TRHDE: variants seen among roughly 807,000 people sequenced by gnomAD.
TRHDE encodes the protein thyrotropin-releasing hormone-degrading ectoenzyme.
TRHDE carries 72 observed loss-of-function variants against 125.7 expected under a neutral mutation model. The observed-to-expected ratio is 0.57, with a 90% CI of 0.47 to 0.70. The LOEUF is 0.70. Ranked by LOEUF, TRHDE falls within the 30% of genes least tolerant of loss-of-function variation. The pLI is 0.00. For missense variants in TRHDE, 1,110 were observed against 1,327.1 expected (o/e 0.84, Z 2.54); for synonymous variants, 509 against 509.1 (o/e 1.00, Z 0.00).
intron 13 of TRHDE, among the ~76,000 whole-genome samples, chr12:72,620,580 T>C (rs1265516403): frequency 1.3e-5 from 2 of 152,026 alleles, no homozygotes; most frequent in Non-Finnish European, 2.9e-5. Flanking sequence ...GACACTTAAA[T>C]GTGTCATTAG....
At chr12:72,369,562 A>T (rs1412479819) in intron 2 of TRHDE, among the ~76,000 whole-genome samples, 1 of 152,170 alleles carries the variant, frequency 6.6e-6, no homozygotes, top group East Asian at 1.9e-4. Flanking sequence ...GCATGTTTGT[A>T]TGACACACCA....
At chr12:72,263,638 G>A (rs540605108) in intron 2 of TRHDE, 6 of 152,172 alleles carry the variant, frequency 3.9e-5, no homozygotes, top group Admixed American at 3.3e-4. Context: ...GAATTGGAAA[G>A]CACAATACAT....
intron 6 of TRHDE, among the ~76,000 whole-genome samples, chr12:72,537,874 A>G (rs1206618106): frequency 1.3e-5 from 2 of 152,070 alleles, no homozygotes; most frequent in African/African-American, 2.4e-5. Flanking sequence ...ATTACAATCT[A>G]TTTTGTGCAA....
chr12:72,647,614 CAT>C (rs1182681788), intron 15 of TRHDE, among the ~76,000 whole-genome samples: 2 of 151,954 alleles, frequency 1.3e-5, no homozygotes, highest in East Asian at 3.9e-4. Context: ...ATGCCACAGA[CAT>C]AAAGAGGATC....
intron 1 of TRHDE, among the ~76,000 whole-genome samples, chr12:72,103,256 A>G (rs1875109382): frequency 6.6e-6 from 1 of 152,240 alleles, no homozygotes. Flanking sequence ...TCCTTTGCCA[A>G]GCTAGCTATG....
At chr12:72,413,126 T>C (rs1413068389) in intron 3 of TRHDE, among the ~76,000 whole-genome samples, 1 of 152,090 alleles carries the variant, frequency 6.6e-6, no homozygotes, top group African/African-American at 2.4e-5. Context: ...TCATAATTAA[T>C]AATTTTTAAA....
At chr12:72,440,485 T>C (rs1029476412) in intron 3 of TRHDE, among the ~76,000 whole-genome samples, 2 of 151,924 alleles carry the variant, frequency 1.3e-5, no homozygotes, top group Non-Finnish European at 2.9e-5. Context: ...TTTTTCGTTT[T>C]GTAGAGGGCT....
chr12:72,473,720 T>C (rs1002823716), intron 5 of TRHDE, among the ~76,000 whole-genome samples: 2 of 152,066 alleles, frequency 1.3e-5, no homozygotes, highest in African/African-American at 4.8e-5. Flanking sequence ...TTTTGTGCCT[T>C]AAGCTGTGCT....
chr12:72,432,071 T>A (rs2135843494), intron 3 of TRHDE: 1 of 153,808 alleles, frequency 6.5e-6, no homozygotes, highest in Middle Eastern at 2.8e-3. Context: ...ATATAAGCCA[T>A]GGTATAGAGA....
chr12:72,275,547 A>G (rs1216086306), intron 1 of TRHDE, among the ~76,000 whole-genome samples: 1 of 152,242 alleles, frequency 6.6e-6, no homozygotes, highest in Non-Finnish European at 1.5e-5. Context: ...TTTGCATACT[A>G]TGTTTAGGAA....
chr12:72,160,584 G>C (rs1045700155), intron 2 of TRHDE, among the ~76,000 whole-genome samples: 3 of 152,146 alleles, frequency 2.0e-5, no homozygotes, highest in African/African-American at 7.2e-5. Flanking sequence ...AGCTACTTGG[G>C]AGGCTGAGGC....
chr12:72,288,819 T>C (rs1454469678), intron 2 of TRHDE, among the ~76,000 whole-genome samples: 1 of 152,148 alleles, frequency 6.6e-6, no homozygotes, highest in Non-Finnish European at 1.5e-5. Flanking sequence ...CTCTAAGTAA[T>C]TAGTAAATAT....
At chr12:72,244,059 T>G (rs1463305577) in intron 2 of TRHDE, among the ~76,000 whole-genome samples, 1 of 152,178 alleles carries the variant, frequency 6.6e-6, no homozygotes, top group East Asian at 1.9e-4. Flanking sequence ...TTCCATCATC[T>G]CACACCATTT....
intron 3 of TRHDE, among the ~76,000 whole-genome samples, chr12:72,434,211 CCT>C (rs1437375941): frequency 3.3e-5 from 5 of 151,612 alleles, no homozygotes; most frequent in African/African-American, 1.2e-4. Flanking sequence ...ATAGTGAAAC[CCT>C]GTCTCTACTA....
intron 5 of TRHDE, among the ~76,000 whole-genome samples, chr12:72,497,239 G>T (rs1565766134): frequency 6.6e-6 from 1 of 152,006 alleles, no homozygotes; most frequent in East Asian, 1.9e-4. Flanking sequence ...GAAGCATGAG[G>T]CAGTAATATG....
chr12:72,305,896 C>T (rs374651386), intron 2 of TRHDE, among the ~76,000 whole-genome samples: 4 of 152,294 alleles, frequency 2.6e-5, no homozygotes, highest in South Asian at 4.1e-4. Context: ...AGACAATCCT[C>T]GATTTCTCTC....
At chr12:72,294,822 C>G (rs1427213915) in intron 2 of TRHDE, among the ~76,000 whole-genome samples, 1 of 152,090 alleles carries the variant, frequency 6.6e-6, no homozygotes, top group Admixed American at 6.5e-5. Flanking sequence ...CTTGGCTTCC[C>G]TCCTATGCTC....
chr12:72,185,189 G>C (rs1877179017), intron 2 of TRHDE, among the ~76,000 whole-genome samples: 1 of 152,234 alleles, frequency 6.6e-6, no homozygotes, highest in East Asian at 1.9e-4. Flanking sequence ...TAGCACCCGG[G>C]CCAGTGGCTC....
intron 15 of TRHDE, among the ~76,000 whole-genome samples, chr12:72,622,268 G>C (rs902356368): frequency 6.6e-6 from 1 of 151,876 alleles, no homozygotes. Context: ...TTGCAATATA[G>C]TATTTTAATA....
Sources: gnomAD v4.1 joint callset for allele counts (sites outside exome capture counted in the v4.1 genomes callset) on GRCh38, gnomAD v4.1.1 for gene constraint, MANE v1.5 for transcripts, NCBI Gene and HGNC (gene_info 2026-07-23, HGNC 2026-07-21) for gene names.